The following KRABD5 variants were observed in gnomAD, a reference collection of about 807,000 sequenced individuals.
The protein encoded by KRABD5 is KRAB domain containing 5.
At chr16:31,727,572 G>A in the KRABD5 span, among the ~76,000 whole-genome samples, 2 of 152,188 alleles carry the variant, frequency 1.3e-5, no homozygotes, top group African/African-American at 4.8e-5. Flanking sequence ...ATTTGAGAAG[G>A]ATGGACATTA....
the KRABD5 span, among the ~76,000 whole-genome samples, chr16:31,752,238 A>G: frequency 1.3e-5 from 2 of 152,112 alleles, no homozygotes; most frequent in Non-Finnish European, 2.9e-5. Context: ...TCTGTGGTTG[A>G]TGGGTGGAAT....
At chr16:31,741,223 C>CA in the KRABD5 span, among the ~76,000 whole-genome samples, 1 of 152,120 alleles carries the variant, frequency 6.6e-6, no homozygotes, top group Non-Finnish European at 1.5e-5. Flanking sequence ...TGATGGGCAT[C>CA]TAGGCTGATT....
chr16:31,724,623 C>T, the KRABD5 span, among the ~76,000 whole-genome samples: 4 of 149,464 alleles, frequency 2.7e-5, no homozygotes, highest in African/African-American at 9.9e-5. Context: ...ACCTGGGAGG[C>T]GGAGCTTGCA....
chr16:31,732,462 A>T, the KRABD5 span, among the ~76,000 whole-genome samples: 1 of 152,248 alleles, frequency 6.6e-6, no homozygotes, highest in Non-Finnish European at 1.5e-5. Context: ...AGTGGGTACC[A>T]CATATTTATT....
At chr16:31,754,557 A>T in the KRABD5 span, 1 of 528,276 alleles carries the variant, frequency 1.9e-6, no homozygotes, top group Non-Finnish European at 3.6e-6. Flanking sequence ...AAACGTAAAA[A>T]ATGTGAGAAA....
chr16:31,740,113 G>A, the KRABD5 span, among the ~76,000 whole-genome samples: 5 of 152,156 alleles, frequency 3.3e-5, no homozygotes, highest in African/African-American at 7.2e-5. Context: ...TAGCTCTGAA[G>A]GCTGTGAGAC....
the KRABD5 span, chr16:31,755,738 GAGT>G: frequency 2.8e-6 from 1 of 363,286 alleles, no homozygotes; most frequent in Non-Finnish European, 5.4e-6. Flanking sequence ...AATGTGAAAA[GAGT>G]TTTATCCAAA....
the KRABD5 span, among the ~76,000 whole-genome samples, chr16:31,716,997 GTTTTTT>G: frequency 4.9e-5 from 4 of 81,170 alleles, no homozygotes; most frequent in Non-Finnish European, 6.9e-5. Context: ...GTCAGTCTTT[GTTTTTT>G]TTTTTTTTTT....
the KRABD5 span, among the ~76,000 whole-genome samples, chr16:31,725,769 A>T: frequency 6.6e-6 from 1 of 152,190 alleles, no homozygotes; most frequent in African/African-American, 2.4e-5. Context: ...TGCTACTTTT[A>T]TGTAATCCCT....
the KRABD5 span, chr16:31,713,609 C>A: frequency 3.2e-6 from 3 of 940,046 alleles, no homozygotes; most frequent in Non-Finnish European, 3.1e-6. Flanking sequence ...GGACCCCGCG[C>A]GTCCGGTCCC....
chr16:31,753,678 A>C, the KRABD5 span: 1 of 1,256,676 alleles, frequency 8.0e-7, no homozygotes. Context: ...TGGTGTTCTC[A>C]ACGTGATATA....
the KRABD5 span, among the ~76,000 whole-genome samples, chr16:31,717,518 C>G: frequency 2.0e-5 from 3 of 152,154 alleles, no homozygotes; most frequent in Non-Finnish European, 4.4e-5. Flanking sequence ...AGATGGCCTC[C>G]CAATTCCCAG....
the KRABD5 span, chr16:31,753,864 C>T: frequency 6.4e-7 from 1 of 1,551,104 alleles, no homozygotes; most frequent in African/African-American, 1.4e-5. Context: ...CTGTGGCCCT[C>T]AGAATTTAAA....
the KRABD5 span, chr16:31,754,676 C>G: frequency 8.7e-6 from 4 of 458,896 alleles, no homozygotes; most frequent in East Asian, 2.1e-4. Context: ...AAAACATACT[C>G]AGCCTCAGAG....
the KRABD5 span, among the ~76,000 whole-genome samples, chr16:31,719,216 G>C: frequency 6.6e-6 from 1 of 152,214 alleles, no homozygotes; most frequent in Non-Finnish European, 1.5e-5. Context: ...ACTTGGGCTT[G>C]ATTTGGGACA....
the KRABD5 span, among the ~76,000 whole-genome samples, chr16:31,722,193 G>A: frequency 2.0e-5 from 3 of 152,014 alleles, no homozygotes; most frequent in Admixed American, 1.3e-4. Flanking sequence ...CCTGCCTCAG[G>A]TTCCTGAGTA....
the KRABD5 span, among the ~76,000 whole-genome samples, chr16:31,740,095 G>C: frequency 3.4e-4 from 51 of 152,138 alleles, no homozygotes; most frequent in African/African-American, 1.2e-3. Flanking sequence ...TCTCTGTTCG[G>C]GGGCTCTTAG....
At chr16:31,754,239 G>T in the KRABD5 span, 1 of 649,456 alleles carries the variant, frequency 1.5e-6, no homozygotes. Flanking sequence ...TTCTAAATAT[G>T]ATCAATTTGA....
At chr16:31,715,251 CTCTT>C in the KRABD5 span, among the ~76,000 whole-genome samples, 2 of 152,122 alleles carry the variant, frequency 1.3e-5, no homozygotes, top group African/African-American at 4.8e-5. Context: ...GAAGATAAAA[CTCTT>C]TATTTAATTG....
Sources: gnomAD v4.1 joint callset for allele counts (sites outside exome capture counted in the v4.1 genomes callset) on GRCh38, gnomAD v4.1.1 for gene constraint, MANE v1.5 for transcripts, NCBI Gene and HGNC (gene_info 2026-07-23, HGNC 2026-07-21) for gene names.